BICDL1: variants seen among roughly 807,000 people sequenced by gnomAD.
BICDL1 encodes the protein BICD family like cargo adaptor 1, also known as BICD family-like cargo adapter 1.
BICDL1 carries 20 observed loss-of-function variants against 76.8 expected under a neutral mutation model. That is an observed-to-expected ratio of 0.26 (90% confidence interval 0.18 to 0.38). BICDL1 has a LOEUF of 0.38. Among genes scored for constraint, BICDL1 ranks in the 10% least tolerant of loss-of-function variants. The pLI, the probability that BICDL1 is intolerant of heterozygous loss-of-function variation, is 1.00. For missense variants in BICDL1, 700 were observed against 798.6 expected, an observed-to-expected ratio of 0.88 and a Z score of 1.49; for synonymous variants, 383 against 337.1, an observed-to-expected ratio of 1.14 and a Z score of -1.49.
chr12:120,046,396 G>T (rs1401225958), intron 2 of BICDL1, among the ~76,000 whole-genome samples: 2 of 152,206 alleles, frequency 1.3e-5, no homozygotes, highest in Non-Finnish European at 2.9e-5. Flanking sequence ...TTATAATAAT[G>T]ATGAAGGTGA....
In BICDL1 at chr12:119,989,253, G is replaced by T. The variant is rs1162997015; in HGVS notation, c.-616G>T. On this transcript the variant is annotated 5_prime_UTR_variant, in exon 1 of 10. Transcript: ENST00000548673. ...GGGAAGGCAGGAAGGAGCTCGCCGG[G>T]TTGCGCGGCGCGCGATGTGGAGCCG... Among the ~76,000 whole-genome samples, 10 of 150,118 alleles carry T rather than the reference G, an allele frequency of 6.7e-5. No homozygotes were observed. Among genetic ancestry groups the T allele is most frequent in the Non-Finnish European group, 1.2e-4 (8 of 67,200 alleles).
intron 1 of BICDL1, among the ~76,000 whole-genome samples, chr12:119,990,646 T>C (rs1339269274): frequency 1.3e-5 from 2 of 152,218 alleles, no homozygotes; most frequent in Admixed American, 6.5e-5. Context: ...ATTTAAAATA[T>C]GTTGCAGGTT....
intron 8 of BICDL1, among the ~76,000 whole-genome samples, chr12:120,087,163 C>T (rs1200381101): frequency 6.6e-6 from 1 of 152,228 alleles, no homozygotes; most frequent in Non-Finnish European, 1.5e-5. Context: ...ACCGATGCCG[C>T]GTGAGGATTT....
chr12:120,011,465 G>A (rs1377483359), intron 2 of BICDL1, among the ~76,000 whole-genome samples: 6 of 152,162 alleles, frequency 3.9e-5, no homozygotes, highest in Non-Finnish European at 7.3e-5. Context: ...AGGATTCCAA[G>A]GCAGATATAG....
In BICDL1 at chr12:119,990,174, G is replaced by T. The variant is rs753285073; in HGVS notation, c.306G>T (p.Val102=). ...PPSQDPELLS[V]IRQKEKDLVL... Reference sequence around the variant, plus strand: ...CCCAGGACCCCGAGCTGCTGTCGGTGATCCGACAGAAGGAGAAGGATCTGG... The same window carrying T: ...CCCAGGACCCCGAGCTGCTGTCGGTTATCCGACAGAAGGAGAAGGATCTGG... The change falls in exon 1 of 10, where the codon GTG becomes GTT. Residue 102 remains valine, a synonymous_variant. Transcript: ENST00000548673. 1.9e-6 allele frequency: 3 copies of T among 1,554,138 alleles called. No homozygotes were observed. The highest frequency in any genetic ancestry group is 2.7e-5 in the African/African-American group (2 of 73,402).
rs560917756 is a variant in BICDL1 at position 120,017,921 on chromosome 12, G to C, written c.645+19185G>C. On this transcript the variant is annotated intron_variant, in intron 2 of 9. Coordinates refer to ENST00000548673, the MANE Select transcript of BICDL1 (RefSeq NM_001367886.1). Reference sequence around the variant, plus strand: ...TTTTCACAAACTTTTTTGAAATGGGGACTGTGTGGATACTTGCAAACACCT... The same window carrying C: ...TTTTCACAAACTTTTTTGAAATGGGCACTGTGTGGATACTTGCAAACACCT... Among the ~76,000 whole-genome samples the C allele has an allele frequency of 2.0e-4, 30 of 152,254 alleles. No individual in the cohort carries two copies. In the South Asian group the frequency reaches 5.8e-3, roughly 30 times the overall value.
chr12:120,084,210 G>A (rs1874220564), intron 8 of BICDL1, among the ~76,000 whole-genome samples: 1 of 151,944 alleles, frequency 6.6e-6, no homozygotes, highest in Admixed American at 6.6e-5. Flanking sequence ...CACCGTGTTA[G>A]TCAGGATGGT....
At chr12:120,013,423 CTA>C (rs1473396022) in intron 2 of BICDL1, among the ~76,000 whole-genome samples, 2 of 148,304 alleles carry the variant, frequency 1.3e-5, no homozygotes, top group Non-Finnish European at 3.0e-5. Flanking sequence ...ATTGCAGGGA[CTA>C]TGTCTTTAAC....
chr12:120,001,746 C>T (rs564716936), intron 2 of BICDL1, among the ~76,000 whole-genome samples: 2 of 152,084 alleles, frequency 1.3e-5, no homozygotes, highest in East Asian at 3.9e-4. Flanking sequence ...TAACATTTAC[C>T]CTTTAAAAGG....
intron 4 of BICDL1, among the ~76,000 whole-genome samples, chr12:120,068,959 G>A (rs1165141531): frequency 6.6e-6 from 1 of 152,146 alleles, no homozygotes; most frequent in Non-Finnish European, 1.5e-5. Flanking sequence ...AGCATGGAGA[G>A]AGAAGGAAAG....
intron 8 of BICDL1, among the ~76,000 whole-genome samples, chr12:120,084,642 A>C (rs1487872626): frequency 6.6e-6 from 1 of 152,180 alleles, no homozygotes; most frequent in Non-Finnish European, 1.5e-5. Flanking sequence ...TAATCCCAGC[A>C]CTATGAGAGG....
chr12:120,061,814 C>T lies in BICDL1; in HGVS notation c.750C>T (p.Ser250=), dbSNP rs1429659867. ...ACCAGCACATTATCCGGCTGGAGAG[C>T]CTTCAGGCCGAGGTGAGCCTCCCGA... ...STNQHIIRLE[S]LQAEIKMLSD... The change falls in exon 3 of 10, where the codon AGC becomes AGT. Residue 250 remains serine (S), a synonymous_variant. Transcript: ENST00000548673. 1.2e-6 allele frequency: 2 copies of T among 1,613,506 alleles called. No individual in the cohort carries two copies. The highest frequency in any genetic ancestry group is 3.3e-5 in the Admixed American group (2 of 60,024).
At chr12:120,042,543 G>A (rs1039053336) in intron 2 of BICDL1, among the ~76,000 whole-genome samples, 2 of 152,108 alleles carry the variant, frequency 1.3e-5, no homozygotes, top group South Asian at 2.1e-4. Flanking sequence ...GGTGGCTCAC[G>A]TCTGTAATCC....
chr12:120,017,212 TCAG>T (rs1384477550), intron 2 of BICDL1, among the ~76,000 whole-genome samples: 3 of 152,198 alleles, frequency 2.0e-5, no homozygotes, highest in African/African-American at 7.2e-5. Context: ...TTGTTTTATA[TCAG>T]CAGATTGATA....
At chr12:120,068,406 G>A (rs1872814571) in intron 4 of BICDL1, among the ~76,000 whole-genome samples, 1 of 152,236 alleles carries the variant, frequency 6.6e-6, no homozygotes, top group Non-Finnish European at 1.5e-5. Flanking sequence ...TTGCTTCTGG[G>A]CAGATGTGGC....
intron 2 of BICDL1, among the ~76,000 whole-genome samples, chr12:120,003,644 G>A (rs1951800718): frequency 6.6e-6 from 1 of 152,154 alleles, no homozygotes; most frequent in Non-Finnish European, 1.5e-5. Context: ...AGATACTCCT[G>A]GAATTGCATA....
intron 2 of BICDL1, among the ~76,000 whole-genome samples, chr12:120,026,058 G>A (rs929123281): frequency 6.6e-6 from 1 of 152,066 alleles, no homozygotes; most frequent in Non-Finnish European, 1.5e-5. Context: ...GGCTGGTCTC[G>A]AACTCCTGGC....
At chr12:120,061,223 A>G (rs976681065) in intron 2 of BICDL1, among the ~76,000 whole-genome samples, 3 of 152,236 alleles carry the variant, frequency 2.0e-5, no homozygotes, top group Non-Finnish European at 4.4e-5. Context: ...CTTAACAGGT[A>G]TGACAAGAAA....
chr12:120,020,276 T>C (rs1952152257), intron 2 of BICDL1, among the ~76,000 whole-genome samples: 1 of 152,218 alleles, frequency 6.6e-6, no homozygotes, highest in Non-Finnish European at 1.5e-5. Context: ...CTAATGGAGT[T>C]GTGTCAAAAG....
Sources: gnomAD v4.1 joint callset for allele counts (sites outside exome capture counted in the v4.1 genomes callset) on GRCh38, gnomAD v4.1.1 for gene constraint, MANE v1.5 for transcripts, NCBI Gene and HGNC (gene_info 2026-07-23, HGNC 2026-07-21) for gene names.